Variants in MRPS18A observed in about 807,000 individuals in gnomAD.
The protein encoded by MRPS18A is mitochondrial ribosomal protein S18A.
Under a neutral mutation model 22.7 loss-of-function variants are expected in MRPS18A, and 20 were observed. The ratio of observed to expected loss-of-function variants is 0.88; its 90% CI spans 0.62 to 1.28. MRPS18A has a LOEUF of 1.28. Ranked by LOEUF, MRPS18A falls within the 50% of genes most tolerant of loss-of-function variation. The pLI, the probability that MRPS18A is intolerant of heterozygous loss-of-function variation, is 0.00. For synonymous variants in MRPS18A, 106 were observed against 99.1 expected, an observed-to-expected ratio of 1.07 and a Z score of -0.41; for missense variants, 294 against 262.6, an observed-to-expected ratio of 1.12 and a Z score of -0.83.
intron 5 of MRPS18A, chr6:43,672,475 G>A (rs1007533239): frequency 2.1e-6 from 1 of 468,994 alleles, no homozygotes; most frequent in African/African-American, 2.0e-5. Flanking sequence ...GGGAAAGATG[G>A]CTGCCGCCCA....
chr6:43,680,665 A>C (rs1774348561), intron 2 of MRPS18A, among the ~76,000 whole-genome samples: 1 of 152,172 alleles, frequency 6.6e-6, no homozygotes, highest in Non-Finnish European at 1.5e-5. Flanking sequence ...TCACTTTTTA[A>C]ATGCATCATT....
rs1358306378 is a variant in MRPS18A, at chr6:43,671,232, G to A, written c.*530C>T. 9.1e-6 allele frequency: 5 copies of A among 549,080 alleles called. No homozygotes were observed. Among genetic ancestry groups the A allele is most frequent in the East Asian group, 3.1e-5 (1 of 31,914 alleles). 34.0% of individuals were successfully genotyped at this position (549,080 alleles called of 1,614,324 possible). ...GGAACGCAGTTTCTTGGATTCACACGAGAGCGGCAAGTGTGTCAGGCAGCC... is the reference window on the plus strand; with the variant it reads ...GGAACGCAGTTTCTTGGATTCACACAAGAGCGGCAAGTGTGTCAGGCAGCC... On this transcript the variant is annotated 3_prime_UTR_variant, in exon 6 of 6. Coordinates refer to ENST00000372133, the MANE Select transcript of MRPS18A (RefSeq NM_018135.4).
rs1226360407 is a variant in MRPS18A, at chr6:43,673,635, A to G, written c.446+1567T>C. On this transcript the variant is annotated intron_variant, in intron 5 of 5. Coordinates refer to ENST00000372133, the MANE Select transcript of MRPS18A (RefSeq NM_018135.4). The surrounding 1 kb of genome is among the most constrained non-coding windows in gnomAD (Gnocchi z 4.2). ...TGGGAACACCCCAGCTCTAGCAAGA[A>G]CCAAGTCTCTTTCCTAAACCAGCCC... Among the ~76,000 whole-genome samples the G allele has an allele frequency of 4.6e-5, 7 of 152,124 alleles. No homozygotes were observed. The highest frequency in any genetic ancestry group is 2.6e-4 in the Admixed American group (4 of 15,280).
chr6:43,683,818 C>A (rs148306690), intron 1 of MRPS18A, among the ~76,000 whole-genome samples: 1 of 152,184 alleles, frequency 6.6e-6, no homozygotes, highest in African/African-American at 2.4e-5. Context: ...GAATAGGAGC[C>A]ACAGTCTTTG....
intron 2 of MRPS18A, among the ~76,000 whole-genome samples, chr6:43,679,369 C>G (rs147074333): frequency 6.6e-6 from 1 of 152,318 alleles, no homozygotes; most frequent in East Asian, 1.9e-4. Context: ...TGCGTGCACT[C>G]GTTCTCTCTT....
intron 3 of MRPS18A, among the ~76,000 whole-genome samples, chr6:43,676,140 T>A (rs74775846): frequency 0.13 from 19,115 of 152,032 alleles, 1,332 homozygotes; most frequent in East Asian, 0.27. Flanking sequence ...TGTGCGCCCC[T>A]ACACCCAGCC....
At chr6:43,687,611 G>A (rs561295007) in intron 1 of MRPS18A, 57 bp downstream of exon 1, 9 of 1,407,058 alleles carry the variant, frequency 6.4e-6, no homozygotes, top group Non-Finnish European at 8.8e-6. Context: ...GGGGCTGGCG[G>A]AAGCAGTCTC....
chr6:43,675,396 A>G (rs1773996914), intron 4 of MRPS18A, 98 bp downstream of exon 4: 2 of 1,603,832 alleles, frequency 1.2e-6, no homozygotes, highest in Non-Finnish European at 1.7e-6. Context: ...CACTCCGGAT[A>G]TCCACTTTTC....
At chr6:43,687,615 C>T in intron 1 of MRPS18A, 53 bp downstream of exon 1, 1 of 1,424,772 alleles carries the variant, frequency 7.0e-7, no homozygotes, top group Non-Finnish European at 9.7e-7. Context: ...CTGGCGGAAG[C>T]AGTCTCTGCC....
At position 43,680,021 on chromosome 6, in the gene MRPS18A, A is replaced by G. The variant is rs531889150; in HGVS notation, c.144+1068T>C. On this transcript the variant is annotated intron_variant, in intron 2 of 5. Coordinates refer to ENST00000372133, the MANE Select transcript of MRPS18A (RefSeq NM_018135.4). ...GAATAATATCCAGTCAGCCATGGCC[A>G]TGCCGCTAAAGGCATGGATGGGCTC... 1.1e-3 allele frequency among the ~76,000 whole-genome samples: 168 copies of G among 152,340 alleles called. 1 individual carries two copies. The highest frequency in any genetic ancestry group is 1.7e-3 in the Non-Finnish European group (118 of 68,028).
chr6:43,686,310 C>T (rs1263447990), intron 1 of MRPS18A, among the ~76,000 whole-genome samples: 2 of 152,146 alleles, frequency 1.3e-5, no homozygotes, highest in Admixed American at 1.3e-4. Flanking sequence ...GGAGATATGC[C>T]TATTTTGCAG....
intron 5 of MRPS18A, 47 bp from the exon 6 acceptor site, chr6:43,671,953 G>A (rs926169642): frequency 6.5e-7 from 1 of 1,528,432 alleles, no homozygotes; most frequent in African/African-American, 1.4e-5. Flanking sequence ...GGGGGCCCAA[G>A]CTGGACGTGG....
chr6:43,671,580 A>C lies in MRPS18A; in HGVS notation c.*182T>G, dbSNP rs1773697403. ...GCCCTGCCTGCCTCTAGCTCCCAGC[A>C]TTGCTACTGTGCAGGCCAAGGGTAC... On this transcript the variant is annotated 3_prime_UTR_variant, in exon 6 of 6. Coordinates refer to ENST00000372133, the MANE Select transcript of MRPS18A (RefSeq NM_018135.4). 1.5e-6 allele frequency: 1 copy of C among 678,928 alleles called. No individual in the cohort carries two copies. The highest frequency in any genetic ancestry group is 1.9e-5 in the South Asian group (1 of 53,404). The allele number at this position is 678,928 out of a possible 1,614,324, so 42.1% of individuals were successfully genotyped here. A position where few individuals can be genotyped will look rare whatever the true frequency, so the allele number is the denominator to read the frequency against.
rs961630975 is a variant in MRPS18A at position 43,671,964 on chromosome 6, G to C, written c.447-58C>G. Reference sequence around the variant, plus strand: ...GGCTGGGGGCCCAAGCTGGACGTGGGAGAGTGGAGCACTACCTCCTCAGGC... The same window carrying C: ...GGCTGGGGGCCCAAGCTGGACGTGGCAGAGTGGAGCACTACCTCCTCAGGC... On this transcript the variant is annotated intron_variant, in intron 5 of 5. Transcript: ENST00000372133. 6.0e-6 allele frequency: 9 copies of C among 1,509,060 alleles called. No homozygotes were observed. The East Asian group carries it at 2.2e-4, about 36-fold the overall frequency. The allele number at this position is 1,509,060 out of a possible 1,614,324, so 93.5% of individuals were successfully genotyped here.
rs1313785182 is a variant in MRPS18A at position 43,671,344 on chromosome 6, T to G, written c.*418A>C. On this transcript the variant is annotated 3_prime_UTR_variant, in exon 6 of 6. Transcript: ENST00000372133. Reference sequence around the variant, plus strand: ...GACCTGTTTGGCCCATGAATTCAATTGACTCATTGGCCCCATCACAAGAGA... The same window carrying G: ...GACCTGTTTGGCCCATGAATTCAATGGACTCATTGGCCCCATCACAAGAGA... The G allele has an allele frequency of 7.5e-6, 3 of 401,732 alleles. No individual in the cohort carries two copies. The highest frequency in any genetic ancestry group is 2.8e-5 in the South Asian group (1 of 36,264). The allele number at this position is 401,732 out of a possible 1,614,324, so 24.9% of individuals were successfully genotyped here. A position where few individuals can be genotyped will look rare whatever the true frequency, so the allele number is the denominator to read the frequency against.
chr6:43,673,422 G>A lies in MRPS18A; in HGVS notation c.447-1516C>T, dbSNP rs543257626. ...ATGGGAGCAGGCTCCCCAGAAGGGT[G>A]CTCATTGAGATTTGGGGATGCAGAG... On this transcript the variant is annotated intron_variant, in intron 5 of 5. Transcript: ENST00000372133. The surrounding 1 kb of genome is among the most constrained non-coding windows in gnomAD (Gnocchi z 4.2). Among the ~76,000 whole-genome samples the A allele has an allele frequency of 1.2e-3, 176 of 152,332 alleles. No individual in the cohort carries two copies. The highest frequency in any genetic ancestry group is 4.1e-3 in the African/African-American group (172 of 41,570).
At chr6:43,684,055 C>T (rs1176014199) in intron 1 of MRPS18A, among the ~76,000 whole-genome samples, 2 of 151,986 alleles carry the variant, frequency 1.3e-5, no homozygotes, top group Admixed American at 1.3e-4. Context: ...AGGAGGATCA[C>T]CTGAGCTAAG....
In MRPS18A at chr6:43,681,280, C is replaced by T. The variant is rs533710360; in HGVS notation, c.113-160G>A. Among the ~76,000 whole-genome samples the T allele has an allele frequency of 7.9e-5, 12 of 152,364 alleles. 2 individuals are homozygous for T. Among genetic ancestry groups the T allele is most frequent in the African/African-American group, 2.9e-4 (12 of 41,602 alleles). ...CAGAAAGCATGCAGGGTTCACCCCACTAGTGCCAAGGCTCTATGCCCTTGA... is the reference window on the plus strand; with the variant it reads ...CAGAAAGCATGCAGGGTTCACCCCATTAGTGCCAAGGCTCTATGCCCTTGA... On this transcript the variant is annotated intron_variant, in intron 1 of 5. Coordinates refer to ENST00000372133, the MANE Select transcript of MRPS18A (RefSeq NM_018135.4).
chr6:43,687,628 T>G (rs1774790541), intron 1 of MRPS18A, 40 bp downstream of exon 1: 36 of 1,437,780 alleles, frequency 2.5e-5, no homozygotes, highest in Non-Finnish European at 3.3e-5. Context: ...TCTCTGCCGC[T>G]CTTCTTAATT....
Sources: gnomAD v4.1 joint callset for allele counts (sites outside exome capture counted in the v4.1 genomes callset) on GRCh38, gnomAD v4.1.1 for gene constraint, Gnocchi (gnomAD v3.1) non-coding constraint, MANE v1.5 for transcripts, NCBI Gene and HGNC (gene_info 2026-07-23, HGNC 2026-07-21) for gene names.